Variants in SKIDA1 observed in about 807,000 individuals in gnomAD.
SKIDA1 encodes the protein SKI/DACH domain-containing protein 1.
A neutral mutation model predicts 51.4 loss-of-function variants in SKIDA1; 18 were observed. The observed-to-expected ratio is 0.35, with a 90% CI of 0.24 to 0.52. The LOEUF is 0.52. Ranked by LOEUF, SKIDA1 falls within the 20% of genes least tolerant of loss-of-function variation. SKIDA1 has a pLI of 0.95. For missense variants in SKIDA1, 1,104 were observed against 1,180.6 expected, an observed-to-expected ratio of 0.94 and a Z score of 0.95; for synonymous variants, 579 against 500.5, an observed-to-expected ratio of 1.16 and a Z score of -2.09.
rs1300153997 is a variant in SKIDA1 at position 21,516,759 on chromosome 10, G to T, written c.1064C>A (p.Pro355Gln). The T allele has an allele frequency of 1.3e-6, 2 of 1,546,182 alleles. No homozygotes were observed. Among genetic ancestry groups the T allele is most frequent in the African/African-American group, 1.4e-5 (1 of 73,016 alleles). The change falls in exon 4 of 4, where the codon CCG becomes CAG. Residue 355 changes from proline to glutamine, a missense_variant. Pro to Gln is a moderately conservative substitution (Grantham distance 76). Transcript: ENST00000449193. The surrounding 1 kb of genome is among the most constrained non-coding windows in gnomAD (Gnocchi z 5.7). ...AGGGGGGTGGTGACTCTGCTGCGGC[G>T]GCTGGGCCCGGTGGTGGTGGTGGTG... ...HHHHHHHRAQ[P>Q]PQQSHHPPHH...
At chr10:21,523,506 T>C (rs1477782730) in intron 2 of SKIDA1, among the ~76,000 whole-genome samples, 177 bp downstream of exon 2, 2 of 152,336 alleles carry the variant, frequency 1.3e-5, no homozygotes, top group South Asian at 2.1e-4. Context: ...CCTTTCACAA[T>C]TGATCCTGAA....
chr10:21,515,977 T>G lies in SKIDA1; in HGVS notation c.1846A>C (p.Ile616Leu), dbSNP rs768010094. 1 of 1,614,016 alleles carries G rather than the reference T, an allele frequency of 6.2e-7. No homozygotes were observed. The highest frequency in any genetic ancestry group is 8.5e-7 in the Non-Finnish European group (1 of 1,179,862). ...PTTHCADNNT[I>L]AARFLNNDSS... ...TCATTATTTAAGAACCTAGCAGCTA[T>G]TGTGTTGTTATCTGCACAGTGTGTA... Residue 616 changes from isoleucine (I) to leucine (L), a missense_variant, in exon 4 of 4, where the codon ATA becomes CTA. This residue lies in a region of SKIDA1 where 938 missense variants were observed against 886.4 expected (regional missense o/e 1.06). Coordinates refer to ENST00000449193, the MANE Select transcript of SKIDA1 (RefSeq NM_207371.4).
chr10:21,520,877 T>C (rs1020194884), intron 3 of SKIDA1, among the ~76,000 whole-genome samples: 18 of 152,182 alleles, frequency 1.2e-4, no homozygotes, highest in African/African-American at 3.6e-4. Context: ...GAAATGTGTC[T>C]ATATAGACTT....
rs1007360274 is a variant in SKIDA1, at chr10:21,521,425, A to G, written c.-1873T>C. 6.6e-6 allele frequency: 1 copy of G among 152,662 alleles called. No individual in the cohort carries two copies. Among genetic ancestry groups the G allele is most frequent in the African/African-American group, 2.4e-5 (1 of 41,466 alleles). 9.5% of individuals were successfully genotyped at this position (152,662 alleles called of 1,614,324 possible). ...TGCAGATCCAGATGTATAAAGTACT[A>G]TTCTTCAAAAGCCAGGGGGTTTCTT... On this transcript the variant is annotated 5_prime_UTR_variant, in exon 3 of 4. Coordinates refer to ENST00000449193, the MANE Select transcript of SKIDA1 (RefSeq NM_207371.4).
chr10:21,515,731 ATTC>A lies in SKIDA1; in HGVS notation c.2089_2091del (p.Glu697del), dbSNP rs745553629. The A allele has an allele frequency of 1.2e-6, 2 of 1,614,036 alleles. No homozygotes were observed. The highest frequency in any genetic ancestry group is 1.3e-5 in the African/African-American group (1 of 75,056). ...TTATTTGTAAAAAGGTGAGGTTCATATTCTTCATTAGCACTACTGTCTTCTACT... is the reference window on the plus strand; with the variant it reads ...TTATTTGTAAAAAGGTGAGGTTCATATTCATTAGCACTACTGTCTTCTACT... On this transcript the variant is annotated inframe_deletion, in exon 4 of 4. Coordinates refer to ENST00000449193, the MANE Select transcript of SKIDA1 (RefSeq NM_207371.4).
Position 21,516,246 on chromosome 10 carries a change from G to T in SKIDA1, c.1577C>A (p.Ala526Asp), listed in dbSNP as rs1353082235. 4 of 1,613,876 alleles carry T rather than the reference G, an allele frequency of 2.5e-6. No homozygotes were observed. The African/African-American group carries it at 4.0e-5, about 16-fold the overall frequency. ...SPAEWNLQSW[A>D]PKASPVYCPA... ...GCAGTACACCGGAGATGCTTTGGGG[G>T]CCCAGCTCTGCAGATTCCACTCCGC... is the stretch of plus-strand genomic sequence containing the variant. The change falls in exon 4 of 4, where the codon GCC becomes GAC. Residue 526 changes from alanine (A) to aspartate (D), a missense_variant. Ala to Asp is a moderately radical substitution (Grantham distance 126). Transcript: ENST00000449193. This position sits in a 1 kb window ranked among gnomAD's most constrained non-coding sequence, Gnocchi z 5.7.
intron 2 of SKIDA1, among the ~76,000 whole-genome samples, chr10:21,523,012 A>G (rs2032461646): frequency 6.6e-6 from 1 of 152,244 alleles, no homozygotes; most frequent in African/African-American, 2.4e-5. Context: ...CAGGTGAGCA[A>G]TAGGCACCTC....
In SKIDA1 at chr10:21,515,180, C is replaced by T; in HGVS notation, c.2643G>A (p.Lys881=). The T allele has an allele frequency of 1.2e-6, 2 of 1,613,758 alleles. No homozygotes were observed. Among genetic ancestry groups the T allele is most frequent in the Non-Finnish European group, 1.7e-6 (2 of 1,179,844 alleles). Residue 881 remains lysine (K), a synonymous_variant, in exon 4 of 4, where the codon AAG becomes AAA. Transcript: ENST00000449193. ...GCTGCCATTTCCATATAGGATGGGC[C>T]TTGTGAGGAGTTTGAGAATCCTTAG... ...NTTKDSQTPH[K]AHPIWKWQLG... is the part of the protein sequence containing the mutation.
Position 21,516,374 on chromosome 10 carries a change from G to A in SKIDA1, c.1449C>T (p.Phe483=). Residue 483 remains phenylalanine (F), a synonymous_variant, in exon 4 of 4, where the codon TTC becomes TTT. Transcript: ENST00000449193. This position sits in a 1 kb window ranked among gnomAD's most constrained non-coding sequence, Gnocchi z 5.7. The part of the protein sequence containing the change: ...KPPSVQAQAN[F]LYHLASAAAA... Reference sequence around the variant, plus strand: ...CGGCGGCGGAGGCCAGATGGTACAAGAAGTTGGCCTGCGCCTGCACGCTGG... The same window carrying A: ...CGGCGGCGGAGGCCAGATGGTACAAAAAGTTGGCCTGCGCCTGCACGCTGG... 2 of 1,613,448 alleles carry A rather than the reference G, an allele frequency of 1.2e-6. No homozygotes were observed. Among genetic ancestry groups the A allele is most frequent in the South Asian group, 1.1e-5 (1 of 91,084 alleles).
In SKIDA1 at chr10:21,518,117, T is replaced by C. The variant is rs2032298027; in HGVS notation, c.-295A>G. The C allele has an allele frequency of 2.9e-6, 1 of 346,646 alleles. No homozygotes were observed. 21.5% of individuals were successfully genotyped at this position (346,646 alleles called of 1,614,324 possible). A position where few individuals can be genotyped will look rare whatever the true frequency, so the allele number is the denominator to read the frequency against. On this transcript the variant is annotated 5_prime_UTR_variant, in exon 4 of 4. Transcript: ENST00000449193. ...ATCCGGTTTCTGATCTGCCAGTGTG[T>C]TGGTCTGAGTCCCCGATGCAGATCA... is the stretch of plus-strand genomic sequence containing the variant.
At chr10:21,520,448 A>G (rs1206396166) in intron 3 of SKIDA1, among the ~76,000 whole-genome samples, 1 of 150,874 alleles carries the variant, frequency 6.6e-6, no homozygotes, top group South Asian at 2.1e-4. Context: ...GCACTTATAT[A>G]GTACTGCCAG....
Position 21,517,510 on chromosome 10 carries a change from G to A in SKIDA1, c.313C>T (p.Arg105Cys). Reference sequence around the variant, plus strand: ...GCCAGGGCCCGGCCGACCCGCCTGCGCTTGGTCTTGAGGACGCGCTCGGTT... The same window carrying A: ...GCCAGGGCCCGGCCGACCCGCCTGCACTTGGTCTTGAGGACGCGCTCGGTT... ...CKTERVLKTKRRRVGRALATK... is the reference protein window; with the variant it reads ...CKTERVLKTKCRRVGRALATK... Residue 105 changes from arginine (R) to cysteine (C), a missense_variant, in exon 4 of 4, where the codon CGC becomes TGC. By Grantham distance (180) the Arg-to-Cys change is radical. Around this residue, in one of 3 missense-constraint regions of SKIDA1, gnomAD observed 938 missense variants for 886.4 expected, o/e 1.06. Coordinates refer to ENST00000449193, the MANE Select transcript of SKIDA1 (RefSeq NM_207371.4). The surrounding 1 kb of genome is among the most constrained non-coding windows in gnomAD (Gnocchi z 6.9). 1 of 1,565,232 alleles carries A rather than the reference G, an allele frequency of 6.4e-7. No individual in the cohort carries two copies. Among genetic ancestry groups the A allele is most frequent in the Non-Finnish European group, 8.7e-7 (1 of 1,154,926 alleles).
At chr10:21,520,592 C>CT (rs759003562) in intron 3 of SKIDA1, among the ~76,000 whole-genome samples, 2,330 of 140,202 alleles carry the variant, frequency 0.017, 27 homozygotes, top group Middle Eastern at 0.023. Flanking sequence ...CTAGAGCATC[C>CT]TTTTTTTTTT....
At chr10:21,522,458 T>G (rs2032429635) in intron 2 of SKIDA1, among the ~76,000 whole-genome samples, 1 of 152,094 alleles carries the variant, frequency 6.6e-6, no homozygotes, top group Non-Finnish European at 1.5e-5. Context: ...AAAGTAACTA[T>G]AATATTCACA....
rs1327681535 is a variant in SKIDA1, at chr10:21,515,234, A to G, written c.2589T>C (p.Asp863=). 6.2e-7 allele frequency: 1 copy of G among 1,613,888 alleles called. No individual in the cohort carries two copies. The highest frequency in any genetic ancestry group is 8.5e-7 in the Non-Finnish European group (1 of 1,179,900). ...TGTTTAAGGAATACGCCGGCCACAA[A>G]TCCCCATCTCTCCCAATAATGAGTG... The part of the protein sequence containing the change: ...PPSLIIGRDG[D]LWPAYSLNTT... The change falls in exon 4 of 4, where the codon GAT becomes GAC. Residue 863 remains aspartate, a synonymous_variant. Coordinates refer to ENST00000449193, the MANE Select transcript of SKIDA1 (RefSeq NM_207371.4).
Position 21,516,697 on chromosome 10 carries a change from G to A in SKIDA1, c.1126C>T (p.Pro376Ser). ...TCGGAGTCGCTGCTGCAGCTCTCGGGAAAGCTGCCCAGATGGGGCTGCGGC... is the reference window on the plus strand; with the variant it reads ...TCGGAGTCGCTGCTGCAGCTCTCGGAAAAGCTGCCCAGATGGGGCTGCGGC... Reference protein sequence around the residue: ...HRPQPHLGSFPESCSSDSESS... With the variant: ...HRPQPHLGSFSESCSSDSESS... The change falls in exon 4 of 4, where the codon CCC (proline) becomes TCC (serine). Residue 376 changes from proline to serine, a missense_variant. Pro to Ser is a moderately conservative substitution (Grantham distance 74). Coordinates refer to ENST00000449193, the MANE Select transcript of SKIDA1 (RefSeq NM_207371.4). The surrounding 1 kb of genome is among the most constrained non-coding windows in gnomAD (Gnocchi z 5.7). 1 of 1,551,470 alleles carries A rather than the reference G, an allele frequency of 6.4e-7. No homozygotes were observed. The highest frequency in any genetic ancestry group is 8.7e-7 in the Non-Finnish European group (1 of 1,146,914).
In SKIDA1 at chr10:21,517,319, A is replaced by C. The variant is rs2032271930; in HGVS notation, c.504T>G (p.His168Gln). Residue 168 changes from histidine (H) to glutamine (Q), a missense_variant, in exon 4 of 4, where the codon CAT (histidine) becomes CAG (glutamine). Physicochemically the swap from His to Gln is conservative, Grantham distance 24 (BLOSUM62 0). Transcript: ENST00000449193. This position sits in a 1 kb window ranked among gnomAD's most constrained non-coding sequence, Gnocchi z 6.9. Reference protein sequence around the residue: ...PGAAAARPAAHLPQIFSKYPG... With the variant: ...PGAAAARPAAQLPQIFSKYPG... ...GGTATTTGCTAAAAATCTGAGGTAG[A>C]TGGGCGGCGGGGCGCGCGGCGGCGG... The C allele has an allele frequency of 6.9e-7, 1 of 1,439,406 alleles. No individual in the cohort carries two copies. The highest frequency in any genetic ancestry group is 1.5e-5 in the African/African-American group (1 of 66,240). 89.2% of individuals were successfully genotyped at this position (1,439,406 alleles called of 1,614,324 possible). A position where few individuals can be genotyped will look rare whatever the true frequency, so the allele number is the denominator to read the frequency against.
At chr10:21,521,838 T>C (rs1042850802) in intron 2 of SKIDA1, among the ~76,000 whole-genome samples, 1 of 152,214 alleles carries the variant, frequency 6.6e-6, no homozygotes, top group Non-Finnish European at 1.5e-5. Context: ...TACTTCTGCA[T>C]TTATTGTAAA....
At position 21,516,221 on chromosome 10, in the gene SKIDA1, G is replaced by A. The variant is rs1564333381; in HGVS notation, c.1602C>T (p.Cys534=). ...SWAPKASPVY[C]PASLGSCFAE... ...CGAAACAACTCCCCAGGCTGGCCGG[G>A]CAGTACACCGGAGATGCTTTGGGGG... The change falls in exon 4 of 4, where the codon TGC becomes TGT. Residue 534 remains cysteine, a synonymous_variant. Coordinates refer to ENST00000449193, the MANE Select transcript of SKIDA1 (RefSeq NM_207371.4). This position sits in a 1 kb window ranked among gnomAD's most constrained non-coding sequence, Gnocchi z 5.7. 1 of 1,614,036 alleles carries A rather than the reference G, an allele frequency of 6.2e-7. No homozygotes were observed. The highest frequency in any genetic ancestry group is 2.2e-5 in the East Asian group (1 of 44,886).
Sources: allele counts gnomAD v4.1 joint callset (sites outside exome capture counted in the v4.1 genomes callset), GRCh38; gene constraint gnomAD v4.1.1; regional missense constraint gnomAD v4.1.1; non-coding constraint Gnocchi (gnomAD v3.1); transcripts MANE v1.5; gene names NCBI Gene and HGNC (gene_info 2026-07-23, HGNC 2026-07-21).